The following BMPR1B variants were observed in gnomAD, a reference collection of about 807,000 sequenced individuals.
BMPR1B encodes the protein bone morphogenetic protein receptor type-1B.
BMPR1B carries 12 observed loss-of-function variants against 59.1 expected under a neutral mutation model. That is an observed-to-expected ratio of 0.20 (90% confidence interval 0.13 to 0.33). The LOEUF is 0.33. BMPR1B is among the 10% of genes least tolerant of loss of function. The probability of loss-of-function intolerance (pLI) is 1.00; values close to 1 mark genes in which losing one functional copy is unlikely to be tolerated. For missense variants in BMPR1B, 550 were observed against 610.9 expected, an observed-to-expected ratio of 0.90 and a Z score of 1.05; for synonymous variants, 237 against 207.3, an observed-to-expected ratio of 1.14 and a Z score of -1.23.
In BMPR1B at chr4:94,970,572, C is replaced by T. The variant is rs144870842; in HGVS notation, c.-112-25468C>T. ...AGGCAATCTGCCTGCCTTGGCCTCCCAAAGTACTGGGATTACAGGCATGAA... is the reference window on the plus strand; with the variant it reads ...AGGCAATCTGCCTGCCTTGGCCTCCTAAAGTACTGGGATTACAGGCATGAA... On this transcript the variant is annotated intron_variant, in intron 2 of 12. Transcript: ENST00000515059. Among the ~76,000 whole-genome samples, 1,160 of 152,236 alleles carry T rather than the reference C, an allele frequency of 7.6e-3. 16 individuals are homozygous for T. The highest frequency in any genetic ancestry group is 0.024 in the African/African-American group (998 of 41,544).
At chr4:95,131,575 G>C in intron 10 of BMPR1B, 63 bp downstream of exon 10, 1 of 1,563,194 alleles carries the variant, frequency 6.4e-7, no homozygotes, top group South Asian at 1.1e-5. Context: ...TTATTTTGTA[G>C]CGCAGTGCTT....
chr4:94,961,102 CTT>C (rs140062591), intron 2 of BMPR1B, among the ~76,000 whole-genome samples: 6,496 of 152,212 alleles, frequency 0.043, 347 homozygotes, highest in African/African-American at 0.12. Context: ...GCGAGCCAAA[CTT>C]TTGTTTAGCA....
chr4:94,947,696 A>C (rs1729772113), intron 2 of BMPR1B, among the ~76,000 whole-genome samples: 1 of 152,200 alleles, frequency 6.6e-6, no homozygotes, highest in Non-Finnish European at 1.5e-5. Context: ...CCTGCTGGGC[A>C]CGTAGTCAGT....
At chr4:94,808,840 A>G (rs1723708542) in intron 1 of BMPR1B, among the ~76,000 whole-genome samples, 1 of 152,160 alleles carries the variant, frequency 6.6e-6, no homozygotes, top group Non-Finnish European at 1.5e-5. Flanking sequence ...GCGGATCACA[A>G]AGTCAGGAGT....
intron 6 of BMPR1B, among the ~76,000 whole-genome samples, chr4:95,120,014 A>G (rs1732358236): frequency 6.6e-6 from 1 of 152,092 alleles, no homozygotes. Flanking sequence ...CAGTTTCTCA[A>G]CCCATCTCCC....
chr4:95,120,648 T>TCCTTCCTTCCTTCCTTCCTTCCTTCCTTC (rs1560669277), intron 6 of BMPR1B, among the ~76,000 whole-genome samples: 1 of 144,358 alleles, frequency 6.9e-6, no homozygotes, highest in Non-Finnish European at 1.5e-5. Context: ...CTTCCTTCCT[T>TCCTTCCTTCCTTCCTTCCTTCCTTCCTTC]CCTTTCCTTC....
chr4:94,772,250 CTT>C (rs1252222420), intron 1 of BMPR1B, among the ~76,000 whole-genome samples: 1 of 152,192 alleles, frequency 6.6e-6, no homozygotes, highest in Admixed American at 6.5e-5. Flanking sequence ...TCTTCACACA[CTT>C]TTTCCAGAAA....
intron 11 of BMPR1B, among the ~76,000 whole-genome samples, chr4:95,150,107 A>G (rs1307597900): frequency 1.3e-5 from 2 of 152,242 alleles, no homozygotes; most frequent in Non-Finnish European, 2.9e-5. Context: ...TATCAGTGGC[A>G]CAGTGCCTTC....
intron 3 of BMPR1B, among the ~76,000 whole-genome samples, chr4:95,053,281 T>TTTGTGTGTGTG (rs947790944): frequency 9.7e-5 from 13 of 134,324 alleles, no homozygotes; most frequent in African/African-American, 2.8e-4. Flanking sequence ...TGCAGGGCAC[T>TTTGTGTGTGTG]TGTGTGTGTG....
At chr4:94,892,350 A>G (rs1231902511) in intron 2 of BMPR1B, among the ~76,000 whole-genome samples, 1 of 152,062 alleles carries the variant, frequency 6.6e-6, no homozygotes, top group Non-Finnish European at 1.5e-5. Flanking sequence ...TAAGATCTCC[A>G]CGTGATTTAT....
At chr4:95,062,074 C>T (rs2149206231) in intron 3 of BMPR1B, among the ~76,000 whole-genome samples, 2 of 152,268 alleles carry the variant, frequency 1.3e-5, no homozygotes. Flanking sequence ...CCAGCCATGC[C>T]TCCTGTACAG....
intron 2 of BMPR1B, among the ~76,000 whole-genome samples, chr4:94,950,528 A>C (rs1044229085): frequency 6.6e-6 from 1 of 152,136 alleles, no homozygotes; most frequent in African/African-American, 2.4e-5. Flanking sequence ...TTTTCCCAAC[A>C]CCATTTATTA....
At chr4:95,057,075 T>C (rs1560622155) in intron 3 of BMPR1B, among the ~76,000 whole-genome samples, 1 of 152,180 alleles carries the variant, frequency 6.6e-6, no homozygotes, top group Non-Finnish European at 1.5e-5. Flanking sequence ...AAGAACAAAC[T>C]CTGTCCATTT....
At chr4:94,895,606 G>A (rs945176686) in intron 2 of BMPR1B, among the ~76,000 whole-genome samples, 2 of 151,282 alleles carry the variant, frequency 1.3e-5, no homozygotes, top group African/African-American at 2.4e-5. Flanking sequence ...TGTTAAATGT[G>A]AACTTATGAC....
intron 3 of BMPR1B, among the ~76,000 whole-genome samples, chr4:95,098,019 T>C (rs1274142662): frequency 6.6e-6 from 1 of 152,154 alleles, no homozygotes; most frequent in Non-Finnish European, 1.5e-5. Context: ...TAAATATTTA[T>C]ATGAGTCAAC....
intron 1 of BMPR1B, among the ~76,000 whole-genome samples, chr4:94,858,014 T>C (rs961604457): frequency 6.6e-6 from 1 of 152,190 alleles, no homozygotes; most frequent in Non-Finnish European, 1.5e-5. Context: ...GGCGCAATCT[T>C]GGCTCACTGC....
At chr4:95,130,152 C>T (rs892738370) in intron 9 of BMPR1B, 98 bp downstream of exon 9, 14 of 1,423,916 alleles carry the variant, frequency 9.8e-6, no homozygotes, top group East Asian at 7.2e-5. Flanking sequence ...AGACCCGTTG[C>T]GAAATGTATT....
chr4:94,921,776 T>C (rs2149025385), intron 2 of BMPR1B, among the ~76,000 whole-genome samples: 1 of 152,276 alleles, frequency 6.6e-6, no homozygotes, highest in African/African-American at 2.4e-5. Context: ...CACTGCAGGA[T>C]TGTAGCATTA....
chr4:94,938,190 A>G (rs1392946140), intron 2 of BMPR1B, among the ~76,000 whole-genome samples: 1 of 152,066 alleles, frequency 6.6e-6, no homozygotes, highest in Non-Finnish European at 1.5e-5. Context: ...TAGTCCTCTT[A>G]TGTGTGTTTT....
Sources: allele counts gnomAD v4.1 joint callset (sites outside exome capture counted in the v4.1 genomes callset), GRCh38; gene constraint gnomAD v4.1.1; transcripts MANE v1.5; gene names NCBI Gene and HGNC (gene_info 2026-07-23, HGNC 2026-07-21).